MAPK6: variants seen among roughly 807,000 people sequenced by gnomAD.
The protein encoded by MAPK6 is mitogen-activated protein kinase 6.
A neutral mutation model predicts 59.3 loss-of-function variants in MAPK6; 19 were observed. The observed-to-expected ratio is 0.32, with a 90% CI of 0.22 to 0.47. The LOEUF is 0.47. Ranked by LOEUF, MAPK6 falls within the 20% of genes least tolerant of loss-of-function variation. The pLI, the probability that MAPK6 is intolerant of heterozygous loss-of-function variation, is 1.00. For synonymous variants in MAPK6, 316 were observed against 290.3 expected, an observed-to-expected ratio of 1.09 and a Z score of -0.90; for missense variants, 724 against 847.9, an observed-to-expected ratio of 0.85 and a Z score of 1.81.
At chr15:52,029,335 G>A (rs144852298) in intron 1 of MAPK6, among the ~76,000 whole-genome samples, 2,370 of 152,116 alleles carry the variant, frequency 0.016, 65 homozygotes, top group African/African-American at 0.055. Flanking sequence ...TTATTAAACA[G>A]GCTTCTCTCC....
chr15:51,991,150 C>T lies in MAPK6; in HGVS notation c.-770+7835C>T, dbSNP rs535653775. On this transcript the variant is annotated intron_variant, in intron 2 of 7. Coordinates refer to the MAPK6 transcript ENST00000691380. ...TCTCAAAAAGAAATATATATATATA[C>T]ACACACACACACACACACACACACA... is the stretch of plus-strand genomic sequence containing the variant. Among the ~76,000 whole-genome samples the T allele has an allele frequency of 6.7e-4, 76 of 114,190 alleles. 1 individual carries two copies. The highest frequency in any genetic ancestry group is 2.3e-3 in the African/African-American group (44 of 19,190). The allele number at this position is 114,190 out of a possible 152,430, so 74.9% of individuals were successfully genotyped here.
At chr15:52,012,784 C>T (rs1486249782) in intron 3 of MAPK6, among the ~76,000 whole-genome samples, 6 of 151,292 alleles carry the variant, frequency 4.0e-5, no homozygotes, top group Admixed American at 4.0e-4. Context: ...GTCAGGAGTT[C>T]GAGACCAGCC....
rs879689734 is a variant in MAPK6, at chr15:52,065,778, G to C, written c.*778G>C. 6.6e-6 allele frequency: 1 copy of C among 152,408 alleles called. No individual in the cohort carries two copies. The highest frequency in any genetic ancestry group is 1.5e-5 in the Non-Finnish European group (1 of 67,998). The allele number at this position is 152,408 out of a possible 1,614,324, so 9.4% of individuals were successfully genotyped here. A position where few individuals can be genotyped will look rare whatever the true frequency, so the allele number is the denominator to read the frequency against. Reference sequence around the variant, plus strand: ...TTTCCATTTGGCACTATGGTTTGTTGCCTACCTAGCTGCATCTATAATGTC... The same window carrying C: ...TTTCCATTTGGCACTATGGTTTGTTCCCTACCTAGCTGCATCTATAATGTC... On this transcript the variant is annotated 3_prime_UTR_variant, in exon 6 of 6. Transcript: ENST00000261845.
intron 1 of MAPK6, among the ~76,000 whole-genome samples, chr15:52,024,270 G>C (rs192422660): frequency 2.0e-4 from 31 of 152,230 alleles, no homozygotes; most frequent in African/African-American, 7.5e-4. Flanking sequence ...CTAAGATCTT[G>C]GTACTGAAAG....
At position 51,996,842 on chromosome 15, in the gene MAPK6, G is replaced by C. The variant is rs939150243; in HGVS notation, c.-769-7423G>C. ...CAAGTAGCTAGGACTATAGGTATGT[G>C]CCACTGCACCCAACTAAGTTTTTTT... On this transcript the variant is annotated intron_variant, in intron 2 of 7. Coordinates refer to the MAPK6 transcript ENST00000691380. 2.0e-5 allele frequency among the ~76,000 whole-genome samples: 3 copies of C among 151,846 alleles called. No homozygotes were observed. The East Asian group carries it at 5.8e-4, about 29-fold the overall frequency.
intron 1 of MAPK6, among the ~76,000 whole-genome samples, chr15:51,974,719 C>CTT (rs993568924): frequency 7.2e-6 from 1 of 138,770 alleles, no homozygotes; most frequent in African/African-American, 2.6e-5. Flanking sequence ...TGGAGAATTT[C>CTT]TTTTTTCCCC....
intron 1 of MAPK6, among the ~76,000 whole-genome samples, chr15:52,041,416 G>A (rs1171611939): frequency 2.0e-5 from 3 of 152,048 alleles, no homozygotes; most frequent in Admixed American, 6.6e-5. Context: ...GGCTGGTCTC[G>A]AACTCTGGAC....
chr15:52,018,540 A>T (rs1386711313), upstream of MAPK6, among the ~76,000 whole-genome samples: 1 of 152,242 alleles, frequency 6.6e-6, no homozygotes, highest in Non-Finnish European at 1.5e-5. Context: ...TAAGTAATGT[A>T]AGTTTGCTTT....
intron 1 of MAPK6, among the ~76,000 whole-genome samples, chr15:51,978,573 A>G (rs891942759): frequency 6.6e-6 from 1 of 151,860 alleles, no homozygotes; most frequent in African/African-American, 2.4e-5. Flanking sequence ...ATAGGTTTAG[A>G]TCAGTTTGGG....
Position 52,064,031 on chromosome 15 carries a change from A to T in MAPK6, c.1197A>T (p.Arg399=), listed in dbSNP as rs1422804833. ...TDEEEVQVDP[R]KYLDGDREKY... ...AAGAAGAAGTACAAGTTGATCCCCG[A>T]AAATATTTGGATGGAGATCGGGAAA... The change falls in exon 6 of 6, where the codon CGA becomes CGT. Residue 399 remains arginine, a synonymous_variant. Coordinates refer to ENST00000261845, the MANE Select transcript of MAPK6 (RefSeq NM_002748.4). 1 of 1,613,700 alleles carries T rather than the reference A, an allele frequency of 6.2e-7. No individual in the cohort carries two copies. The highest frequency in any genetic ancestry group is 8.5e-7 in the Non-Finnish European group (1 of 1,179,804).
chr15:51,993,806 T>C (rs1445772148), intron 2 of MAPK6, among the ~76,000 whole-genome samples: 4 of 150,476 alleles, frequency 2.7e-5, no homozygotes, highest in Non-Finnish European at 4.4e-5. Flanking sequence ...TTCTTTCTTT[T>C]TTTTTTTTTT....
chr15:52,010,159 C>T (rs143710345), intron 3 of MAPK6, among the ~76,000 whole-genome samples: 25 of 152,200 alleles, frequency 1.6e-4, no homozygotes, highest in African/African-American at 4.6e-4. Context: ...TTACCTGAAA[C>T]GGGCTACTTG....
chr15:51,974,810 C>T (rs563348555), intron 1 of MAPK6, among the ~76,000 whole-genome samples: 5 of 151,018 alleles, frequency 3.3e-5, no homozygotes, highest in Admixed American at 1.3e-4. Flanking sequence ...CTCCGCCTCC[C>T]GGCTTCAAGT....
intron 1 of MAPK6, among the ~76,000 whole-genome samples, chr15:51,972,348 A>C (rs2057134355): frequency 6.6e-6 from 1 of 151,830 alleles, no homozygotes; most frequent in Non-Finnish European, 1.5e-5. Context: ...CGTGTTGCCC[A>C]GGCTGGTCGC....
chr15:52,011,449 A>C (rs1235301109), intron 3 of MAPK6: 1 of 152,254 alleles, frequency 6.6e-6, no homozygotes, highest in Admixed American at 6.5e-5. Context: ...TCCTAAGCAC[A>C]GAAGGCTGTG....
chr15:52,063,776 C>A, intron 5 of MAPK6, 126 bp from the exon 6 acceptor site: 1 of 656,922 alleles, frequency 1.5e-6, no homozygotes, highest in Non-Finnish European at 2.3e-6. Flanking sequence ...GCAAGGCAGG[C>A]ATATTTACTC....
Position 52,063,924 on chromosome 15 carries a change from G to A in MAPK6, c.1090G>A (p.Glu364Lys). The change falls in exon 6 of 6, where the codon GAG becomes AAG. Residue 364 changes from glutamate to lysine, a missense_variant. By Grantham distance (56) the Glu-to-Lys change is moderately conservative (BLOSUM62 1). This residue lies in a region of MAPK6 where 502 missense variants were observed against 507.6 expected (regional missense o/e 0.99). Coordinates refer to ENST00000261845, the MANE Select transcript of MAPK6 (RefSeq NM_002748.4). ...WERYHDCQFS[E>K]HDWPVHNNFD... ...CAGGTATCATGATTGTCAGTTTTCAGAGCATGATTGGCCTGTACATAACAA... is the reference window on the plus strand; with the variant it reads ...CAGGTATCATGATTGTCAGTTTTCAAAGCATGATTGGCCTGTACATAACAA... 6.5e-7 allele frequency: 1 copy of A among 1,549,334 alleles called. No homozygotes were observed. The highest frequency in any genetic ancestry group is 1.2e-5 in the South Asian group (1 of 81,504).
chr15:52,066,284 G>C lies in MAPK6; in HGVS notation c.*1284G>C, dbSNP rs2032420095. 1.3e-5 allele frequency: 2 copies of C among 152,182 alleles called. No homozygotes were observed. The highest frequency in any genetic ancestry group is 2.9e-5 in the Non-Finnish European group (2 of 68,008). The allele number at this position is 152,182 out of a possible 1,614,324, so 9.4% of individuals were successfully genotyped here. A position where few individuals can be genotyped will look rare whatever the true frequency, so the allele number is the denominator to read the frequency against. On this transcript the variant is annotated 3_prime_UTR_variant, in exon 6 of 6. Coordinates refer to ENST00000261845, the MANE Select transcript of MAPK6 (RefSeq NM_002748.4). ...AAATACAGCTCCTGTTTCACTCTTG[G>C]GTTAATGAAAATTTTCTGCTAGAAT...
intron 5 of MAPK6, among the ~76,000 whole-genome samples, chr15:52,063,204 A>G (rs1002727445): frequency 3.0e-4 from 45 of 152,226 alleles, no homozygotes; most frequent in Non-Finnish European, 4.4e-4. Context: ...AGCTGGGACT[A>G]TAGGCACCCG....
Sources: gnomAD v4.1 joint callset for allele counts (sites outside exome capture counted in the v4.1 genomes callset) on GRCh38, gnomAD v4.1.1 for gene constraint, gnomAD v4.1.1 regional missense constraint, MANE v1.5 for transcripts, NCBI Gene and HGNC (gene_info 2026-07-23, HGNC 2026-07-21) for gene names.